Variants in GOSR1 observed in about 807,000 individuals in gnomAD.
GOSR1 encodes golgi SNAP receptor complex member 1, also known as 28 kDa Golgi SNARE protein.
Under a neutral mutation model 35.5 loss-of-function variants are expected in GOSR1, and 21 were observed. That is an observed-to-expected ratio of 0.59 (90% CI 0.42 to 0.85). The LOEUF (loss-of-function observed/expected upper bound fraction) is 0.85. GOSR1 is among the 40% of genes least tolerant of loss of function. The pLI is 0.00. For synonymous variants in GOSR1, 94 were observed against 106.6 expected (o/e 0.88, Z 0.73); for missense variants, 285 against 309.6 (o/e 0.92, Z 0.60).
At chr17:30,517,491 G>A (rs553606485) in intron 7 of GOSR1, among the ~76,000 whole-genome samples, 21 of 151,916 alleles carry the variant, frequency 1.4e-4, no homozygotes, top group South Asian at 6.2e-4. Flanking sequence ...ACACCCCTTC[G>A]TGTTAATAGA....
chr17:30,491,542 C>T (rs575592506), intron 5 of GOSR1, among the ~76,000 whole-genome samples: 9 of 152,146 alleles, frequency 5.9e-5, no homozygotes, highest in Non-Finnish European at 4.4e-5. Flanking sequence ...ATCTGTAATC[C>T]CAGCCACTCG....
chr17:30,512,270 G>C (rs1967643277), intron 7 of GOSR1, among the ~76,000 whole-genome samples: 1 of 152,172 alleles, frequency 6.6e-6, no homozygotes, highest in African/African-American at 2.4e-5. Context: ...TGAGGAAAAT[G>C]CCTGATCTAA....
chr17:30,527,349 CAAAAAT>C lies in GOSR1; in HGVS notation c.*4975_*4980del, dbSNP rs1343322823. On this transcript the variant is annotated 3_prime_UTR_variant, in exon 9 of 9. Coordinates refer to ENST00000451249, the MANE Select transcript of GOSR1 (RefSeq NM_001007025.2). ...AGCCTGGGTGACAGAGACCCTGTCT[CAAAAAT>C]AAATTAATTTTTTAAAAATCGTGTA... is the stretch of plus-strand genomic sequence containing the variant. The C allele has an allele frequency of 1.3e-5, 2 of 152,108 alleles. No individual in the cohort carries two copies. Among genetic ancestry groups the C allele is most frequent in the African/African-American group, 2.4e-5 (1 of 41,406 alleles). The allele number at this position is 152,108 out of a possible 1,614,324, so 9.4% of individuals were successfully genotyped here.
chr17:30,520,140 C>A (rs1967971678), intron 8 of GOSR1, 119 bp downstream of exon 8: 2 of 691,050 alleles, frequency 2.9e-6, no homozygotes, highest in Admixed American at 2.2e-5. Flanking sequence ...TCAGTAATTG[C>A]ATAATATGAA....
intron 6 of GOSR1, among the ~76,000 whole-genome samples, chr17:30,504,300 T>TA (rs1452099427): frequency 6.6e-6 from 1 of 152,154 alleles, no homozygotes; most frequent in Non-Finnish European, 1.5e-5. Flanking sequence ...GTGCTGGAAT[T>TA]ACAGGTGTGA....
chr17:30,520,631 C>T (rs1353301563), intron 8 of GOSR1, among the ~76,000 whole-genome samples: 1 of 152,220 alleles, frequency 6.6e-6, no homozygotes. Flanking sequence ...CACTCTGAGT[C>T]ATTTCATTCA....
chr17:30,514,012 A>G (rs183139985), intron 7 of GOSR1, among the ~76,000 whole-genome samples: 66 of 152,384 alleles, frequency 4.3e-4, no homozygotes, highest in African/African-American at 1.5e-3. Flanking sequence ...GTTACTTTAT[A>G]CAAGACCATA....
intron 2 of GOSR1, among the ~76,000 whole-genome samples, chr17:30,483,330 G>A (rs373152324): frequency 2.6e-5 from 4 of 151,988 alleles, no homozygotes; most frequent in Non-Finnish European, 5.9e-5. Context: ...GATTGCTCTC[G>A]TGTTCATTCA....
At chr17:30,497,316 C>T (rs1249275374) in intron 6 of GOSR1, among the ~76,000 whole-genome samples, 1 of 152,046 alleles carries the variant, frequency 6.6e-6, no homozygotes, top group African/African-American at 2.4e-5. Flanking sequence ...CATTAATTTA[C>T]CACTTTTATC....
At chr17:30,492,637 T>C (rs765266692) in intron 5 of GOSR1, 42 bp from the exon 6 acceptor site, 1 of 1,172,092 alleles carries the variant, frequency 8.5e-7, no homozygotes. Flanking sequence ...TGATTTTGTA[T>C]TCTCTGCCAA....
chr17:30,518,596 CTA>C (rs1240470537), intron 7 of GOSR1, among the ~76,000 whole-genome samples: 1 of 152,044 alleles, frequency 6.6e-6, no homozygotes, highest in Non-Finnish European at 1.5e-5. Flanking sequence ...AGAGATAAGA[CTA>C]TGGGAAATGA....
intron 6 of GOSR1, chr17:30,510,651 C>G (rs1404452108): frequency 3.4e-6 from 1 of 296,804 alleles, no homozygotes; most frequent in Non-Finnish European, 6.5e-6. Flanking sequence ...GAGGCGGCAG[C>G]TGCAGTGAGT....
intron 7 of GOSR1, among the ~76,000 whole-genome samples, chr17:30,514,499 T>C (rs1011236684): frequency 3.3e-5 from 5 of 152,200 alleles, no homozygotes; most frequent in Non-Finnish European, 7.3e-5. Context: ...CTAACCAAGA[T>C]AGAATTCTGA....
intron 6 of GOSR1, among the ~76,000 whole-genome samples, chr17:30,498,056 T>TA (rs1280766912): frequency 8.2e-5 from 1 of 12,252 alleles, no homozygotes; most frequent in Admixed American, 9.7e-4. Flanking sequence ...ATACTCCATC[T>TA]CCAAAAAAAA....
chr17:30,488,107 CCTTTT>C (rs1914792406), intron 4 of GOSR1, among the ~76,000 whole-genome samples: 2 of 37,146 alleles, frequency 5.4e-5, no homozygotes. Context: ...GTCATTTACT[CCTTTT>C]TTTTTTTTTT....
At chr17:30,517,436 T>C (rs972538444) in intron 7 of GOSR1, among the ~76,000 whole-genome samples, 3 of 152,218 alleles carry the variant, frequency 2.0e-5, no homozygotes, top group African/African-American at 4.8e-5. Flanking sequence ...AGCATTGATA[T>C]TCTGCACATT....
At chr17:30,491,387 G>C (rs1567902453) in intron 5 of GOSR1, among the ~76,000 whole-genome samples, 1 of 152,204 alleles carries the variant, frequency 6.6e-6, no homozygotes, top group Non-Finnish European at 1.5e-5. Flanking sequence ...GGCCAGGCGT[G>C]GTGGCTCCCG....
chr17:30,496,061 A>G (rs1466385161), intron 6 of GOSR1, among the ~76,000 whole-genome samples: 1 of 151,976 alleles, frequency 6.6e-6, no homozygotes, highest in Non-Finnish European at 1.5e-5. Context: ...CTTCATTGAG[A>G]TTTTTAAGGT....
intron 6 of GOSR1, among the ~76,000 whole-genome samples, chr17:30,504,305 G>A (rs1967323888): frequency 6.6e-6 from 1 of 152,112 alleles, no homozygotes; most frequent in Non-Finnish European, 1.5e-5. Context: ...GGAATTACAG[G>A]TGTGAGCCAC....
Sources: allele counts gnomAD v4.1 joint callset (sites outside exome capture counted in the v4.1 genomes callset), GRCh38; gene constraint gnomAD v4.1.1; transcripts MANE v1.5; gene names NCBI Gene and HGNC (gene_info 2026-07-23, HGNC 2026-07-21).